The following FAT3 variants were observed in gnomAD, a reference collection of about 807,000 sequenced individuals.
The protein encoded by FAT3 is FAT atypical cadherin 3.
FAT3 carries 95 observed loss-of-function variants against 310.2 expected under a neutral mutation model. The observed-to-expected ratio is 0.31, with a 90% CI of 0.26 to 0.36. The LOEUF (loss-of-function observed/expected upper bound fraction) is 0.36, where lower values mean the gene tolerates loss of function less well. FAT3 is among the 10% of genes least tolerant of loss of function. FAT3 has a pLI of 1.00. For synonymous variants in FAT3, 2,314 were observed against 2,192.9 expected (o/e 1.06, Z -1.54); for missense variants, 5,408 against 5,715.6 (o/e 0.95, Z 1.74).
chr11:92,759,951 G>A (rs145078658), intron 4 of FAT3, among the ~76,000 whole-genome samples: 1 of 151,992 alleles, frequency 6.6e-6, no homozygotes, highest in Admixed American at 6.6e-5. Flanking sequence ...ATTTGGACAG[G>A]CTTCTCAAGC....
chr11:92,281,661 G>A (rs919339801), intron 1 of FAT3, among the ~76,000 whole-genome samples: 1 of 152,134 alleles, frequency 6.6e-6, no homozygotes, highest in Admixed American at 6.6e-5. Context: ...GCCAGATGGT[G>A]AGTGCTCAAT....
At chr11:92,407,643 G>GA (rs1285914077) in intron 2 of FAT3, among the ~76,000 whole-genome samples, 2 of 152,088 alleles carry the variant, frequency 1.3e-5, no homozygotes, top group African/African-American at 4.8e-5. Context: ...AATGAGGAGA[G>GA]AAAAAATTAC....
chr11:92,444,161 C>A (rs1397561005), intron 2 of FAT3, among the ~76,000 whole-genome samples: 1 of 152,010 alleles, frequency 6.6e-6, no homozygotes, highest in Non-Finnish European at 1.5e-5. Context: ...TCTCTATAAA[C>A]CTGGGGAGGG....
intron 2 of FAT3, among the ~76,000 whole-genome samples, chr11:92,496,613 G>A (rs887812644): frequency 8.5e-5 from 13 of 152,078 alleles, no homozygotes; most frequent in South Asian, 8.3e-4. Context: ...GGTTGTAACC[G>A]TGACTGCGGT....
chr11:92,612,580 T>C (rs1591520006), intron 3 of FAT3, among the ~76,000 whole-genome samples: 5 of 152,352 alleles, frequency 3.3e-5, no homozygotes. Flanking sequence ...ATTGATTGAA[T>C]AGAAGTAACA....
chr11:92,700,228 G>T (rs200272741), intron 4 of FAT3, among the ~76,000 whole-genome samples: 3 of 152,312 alleles, frequency 2.0e-5, no homozygotes, highest in East Asian at 3.9e-4. Context: ...CTCTGTTCAA[G>T]AAATAGAATC....
chr11:92,278,320 T>C (rs1243058657), intron 1 of FAT3, among the ~76,000 whole-genome samples: 1 of 152,154 alleles, frequency 6.6e-6, no homozygotes, highest in Non-Finnish European at 1.5e-5. Context: ...CCCTATAGAA[T>C]GGTGTTGAGA....
At position 92,352,907 on chromosome 11, in the gene FAT3, A is replaced by C. The variant is rs1416149290; in HGVS notation, c.795A>C (p.Thr265=). The C allele has an allele frequency of 6.2e-7, 1 of 1,613,916 alleles. No individual in the cohort carries two copies. Among genetic ancestry groups the C allele is most frequent in the Admixed American group, 1.7e-5 (1 of 59,986 alleles). Reference sequence around the variant, plus strand: ...AGCGCATAAATGAACATGCCCCAACAATCCATGTAGTCACTCATGTTCCTT... The same window carrying C: ...AGCGCATAAATGAACATGCCCCAACCATCCATGTAGTCACTCATGTTCCTT... The part of the protein sequence containing the change: ...HIERINEHAP[T]IHVVTHVPFS... The change falls in exon 2 of 28, where the codon ACA becomes ACC. Residue 265 remains threonine, a synonymous_variant. Transcript: ENST00000525166.
intron 6 of FAT3, among the ~76,000 whole-genome samples, chr11:92,766,425 C>T (rs963453516): frequency 1.7e-4 from 26 of 152,054 alleles, no homozygotes; most frequent in African/African-American, 5.8e-4. Context: ...ACCTGCCTCT[C>T]CCCCCCAGGA....
chr11:92,239,846 C>A (rs1171518285), intron 1 of FAT3, among the ~76,000 whole-genome samples: 1 of 152,092 alleles, frequency 6.6e-6, no homozygotes, highest in African/African-American at 2.4e-5. Flanking sequence ...TACCCTCTGG[C>A]TTTGGACCCA....
At chr11:92,469,338 G>C (rs1951851350) in intron 2 of FAT3, among the ~76,000 whole-genome samples, 3 of 152,102 alleles carry the variant, frequency 2.0e-5, no homozygotes, top group African/African-American at 7.2e-5. Context: ...AAGAATTTTG[G>C]GGGCTGATTT....
chr11:92,834,964 C>T lies in FAT3; in HGVS notation c.9966C>T (p.Ser3322=), dbSNP rs188452436. 9.8e-5 allele frequency: 158 copies of T among 1,613,292 alleles called. No homozygotes were observed. The highest frequency in any genetic ancestry group is 8.5e-4 in the Admixed American group (51 of 59,954). The part of the protein sequence containing the change: ...EAKDGGTPAL[S]AVATVNINLT... ...AAGATGGGGGCACCCCAGCTCTCAG[C>T]GCTGTGGCCACTGTCAACATCAACC... The change falls in exon 15 of 28, where the codon AGC becomes AGT. Residue 3322 remains serine (S), a synonymous_variant. Transcript: ENST00000525166.
At chr11:92,630,849 T>C (rs1476684882) in intron 3 of FAT3, among the ~76,000 whole-genome samples, 1 of 152,204 alleles carries the variant, frequency 6.6e-6, no homozygotes, top group Non-Finnish European at 1.5e-5. Flanking sequence ...AAGTATGGCT[T>C]CTTCATGCCA....
chr11:92,602,448 T>C (rs1940074152), intron 3 of FAT3, among the ~76,000 whole-genome samples: 1 of 152,146 alleles, frequency 6.6e-6, no homozygotes. Context: ...ATTTTGCTGA[T>C]GGGGAGACAG....
At chr11:92,369,621 A>G (rs1030523576) in intron 2 of FAT3, among the ~76,000 whole-genome samples, 5 of 152,114 alleles carry the variant, frequency 3.3e-5, no homozygotes, top group Admixed American at 1.3e-4. Flanking sequence ...AGGTCAAGGC[A>G]GGCAGATCAT....
intron 1 of FAT3, among the ~76,000 whole-genome samples, chr11:92,258,305 G>A (rs1865393680): frequency 6.6e-6 from 1 of 152,108 alleles, no homozygotes; most frequent in South Asian, 2.1e-4. Flanking sequence ...TTCTTGAGTA[G>A]GAGAAGTAAG....
chr11:92,733,405 T>C (rs1178610928), intron 4 of FAT3, among the ~76,000 whole-genome samples: 1 of 151,990 alleles, frequency 6.6e-6, no homozygotes, highest in Non-Finnish European at 1.5e-5. Context: ...TGGTCTCTTG[T>C]CTACAAAATG....
chr11:92,770,907 A>T (rs1306840659), intron 6 of FAT3, among the ~76,000 whole-genome samples: 1 of 152,038 alleles, frequency 6.6e-6, no homozygotes, highest in Non-Finnish European at 1.5e-5. Flanking sequence ...CCTACTTGGG[A>T]TGTTTAACTT....
intron 19 of FAT3, among the ~76,000 whole-genome samples, chr11:92,851,624 C>T (rs1948831637): frequency 6.6e-6 from 1 of 152,144 alleles, no homozygotes; most frequent in Non-Finnish European, 1.5e-5. Flanking sequence ...CACATCTGAT[C>T]CTGCCCTGAC....
Sources: allele counts gnomAD v4.1 joint callset (sites outside exome capture counted in the v4.1 genomes callset), GRCh38; gene constraint gnomAD v4.1.1; transcripts MANE v1.5; gene names NCBI Gene and HGNC (gene_info 2026-07-23, HGNC 2026-07-21).